Variants in FTCD observed in about 807,000 individuals in gnomAD.
FTCD encodes the protein formimidoyltransferase cyclodeaminase, also known as formimidoyltransferase-cyclodeaminase.
In FTCD, 76 loss-of-function variants were observed where a neutral mutation model predicts 62.9. That is an observed-to-expected ratio of 1.21 (90% CI 1.00 to 1.46). The LOEUF is 1.46. Among genes scored for constraint, FTCD ranks in the 40% most tolerant of loss-of-function variants. The probability of loss-of-function intolerance (pLI) is 0.00; values close to 1 mark genes in which losing one functional copy is unlikely to be tolerated. For synonymous variants in FTCD, 397 were observed against 336.9 expected (o/e 1.18, Z -1.95); for missense variants, 845 against 751.3 (o/e 1.12, Z -1.46).
intron 8 of FTCD, 25 bp from the exon 9 acceptor site, chr21:46,145,972 G>T: frequency 7.2e-7 from 1 of 1,388,444 alleles, no homozygotes; most frequent in Non-Finnish European, 9.6e-7. Flanking sequence ...CGGCTCAGCG[G>T]GTCTGGCCGG....
intron 7 of FTCD, among the ~76,000 whole-genome samples, chr21:46,148,250 C>T (rs905282889): frequency 1.3e-5 from 2 of 152,178 alleles, no homozygotes; most frequent in Admixed American, 6.5e-5. Flanking sequence ...GGGTCCACGT[C>T]GGCACCCTGA....
At chr21:46,152,792 A>G in intron 3 of FTCD, 115 bp downstream of exon 3, 1 of 877,536 alleles carries the variant, frequency 1.1e-6, no homozygotes, top group Non-Finnish European at 1.7e-6. Flanking sequence ...GCTTTTTGGA[A>G]CACTCTGCCC....
At position 46,136,978 on chromosome 21, in the gene FTCD, C is replaced by CCCGCA; in HGVS notation, c.*4_*8dup. On this transcript the variant is annotated 3_prime_UTR_variant, in exon 14 of 14. Transcript: ENST00000397746. ...GGGGCCACAGAGCCCGGAGAGGCCT[C>CCCGCA]CCGCACCGTCACTCCTGCCGGGTCT... The CCCGCA allele has an allele frequency of 6.2e-7, 1 of 1,613,132 alleles. No homozygotes were observed. The highest frequency in any genetic ancestry group is 8.5e-7 in the Non-Finnish European group (1 of 1,179,992).
At position 46,141,934 on chromosome 21, in the gene FTCD, G is replaced by A. The variant is rs539389694; in HGVS notation, c.1261-3011C>T. 1.6e-3 allele frequency among the ~76,000 whole-genome samples: 244 copies of A among 152,296 alleles called. 2 individuals carry two copies. Among genetic ancestry groups the A allele is most frequent in the African/African-American group, 5.6e-3 (231 of 41,566 alleles). ...CCTGGGCCCCCCCGGGGAGGGGGGTGCTTCCCCCAGTGGAAAACCCAAGGG... is the reference window on the plus strand; with the variant it reads ...CCTGGGCCCCCCCGGGGAGGGGGGTACTTCCCCCAGTGGAAAACCCAAGGG... On this transcript the variant is annotated intron_variant, in intron 10 of 13. Coordinates refer to ENST00000397746, the MANE Select transcript of FTCD (RefSeq NM_206965.2).
At chr21:46,147,677 G>A (rs893462240) in intron 7 of FTCD, among the ~76,000 whole-genome samples, 14 of 152,048 alleles carry the variant, frequency 9.2e-5, no homozygotes, top group African/African-American at 2.4e-4. Flanking sequence ...GGTGGCTCAC[G>A]CCTGTAATCC....
At chr21:46,151,536 T>TG in intron 5 of FTCD, 22 bp downstream of exon 5, 2 of 1,603,372 alleles carry the variant, frequency 1.2e-6, no homozygotes, top group Non-Finnish European at 1.7e-6. Context: ...TGGGGCTCCA[T>TG]GGGGTCAGTG....
At chr21:46,147,173 G>A (rs1030380557) in intron 7 of FTCD, among the ~76,000 whole-genome samples, 5 of 152,202 alleles carry the variant, frequency 3.3e-5, no homozygotes, top group Non-Finnish European at 4.4e-5. Context: ...TCAGAGTGGG[G>A]TCCGACTGGA....
chr21:46,143,486 G>C (rs536642533), intron 10 of FTCD, among the ~76,000 whole-genome samples: 1 of 152,216 alleles, frequency 6.6e-6, no homozygotes, highest in African/African-American at 2.4e-5. Context: ...ACTAGATATA[G>C]ATCATAGATA....
intron 10 of FTCD, among the ~76,000 whole-genome samples, chr21:46,144,966 G>A (rs952306562): frequency 4.0e-5 from 6 of 151,800 alleles, no homozygotes; most frequent in African/African-American, 9.7e-5. Flanking sequence ...TGAAGATGGT[G>A]TTTCTGTCTT....
chr21:46,143,016 G>C (rs2079055594), intron 10 of FTCD, among the ~76,000 whole-genome samples: 2 of 152,132 alleles, frequency 1.3e-5, no homozygotes, highest in African/African-American at 4.8e-5. Context: ...GTCCCCACCA[G>C]ACCCAGAAGC....
At chr21:46,146,623 G>C in intron 7 of FTCD, 1 of 540,522 alleles carries the variant, frequency 1.9e-6, no homozygotes, top group South Asian at 2.3e-5. Context: ...GGACCCCTCA[G>C]CAAACTGCTG....
chr21:46,145,979 C>G, intron 8 of FTCD, 32 bp from the exon 9 acceptor site: 1 of 1,361,276 alleles, frequency 7.3e-7, no homozygotes, highest in Non-Finnish European at 9.8e-7. Context: ...GCGGGTCTGG[C>G]CGGGGTTGGT....
At chr21:46,153,073 G>A (rs922170534) in intron 2 of FTCD, 38 bp from the exon 3 acceptor site, 3 of 1,530,452 alleles carry the variant, frequency 2.0e-6, no homozygotes, top group Non-Finnish European at 2.6e-6. Flanking sequence ...GAGGCCAGGT[G>A]TGGGAGCGGG....
chr21:46,138,248 G>A (rs1350904083), intron 12 of FTCD, among the ~76,000 whole-genome samples: 2 of 152,214 alleles, frequency 1.3e-5, no homozygotes, highest in Non-Finnish European at 2.9e-5. Flanking sequence ...TCTTGGGGGA[G>A]TATACACTTA....
Position 46,154,239 on chromosome 21 carries a change from T to C in FTCD, c.148A>G (p.Thr50Ala), listed in dbSNP as rs750555864. ...AGPSTNRTVY[T>A]FVGPPECVVE... is the part of the protein sequence containing the mutation. The stretch of plus-strand genomic sequence containing the variant: ...ACGCACTCCGGCGGCCCCACGAAGG[T>C]GTACACGGTGCGGTTGGTGGAAGGG... The change falls in exon 2 of 14, where the codon ACC (threonine) becomes GCC (alanine). Residue 50 changes from threonine (T) to alanine (A), a missense_variant. Transcript: ENST00000397746. The C allele has an allele frequency of 6.2e-7, 1 of 1,612,562 alleles. No individual in the cohort carries two copies. Among genetic ancestry groups the C allele is most frequent in the Non-Finnish European group, 8.5e-7 (1 of 1,179,890 alleles).
chr21:46,145,016 A>G (rs1029356072), intron 10 of FTCD, among the ~76,000 whole-genome samples: 3 of 151,984 alleles, frequency 2.0e-5, no homozygotes, highest in African/African-American at 7.2e-5. Flanking sequence ...CCTGCCTGAG[A>G]GCACTCATCA....
chr21:46,137,416 G>A (rs2078895629), intron 12 of FTCD, 82 bp from the exon 13 acceptor site: 1 of 1,061,594 alleles, frequency 9.4e-7, no homozygotes, highest in Non-Finnish European at 1.5e-6. Context: ...ACGGGCTCTG[G>A]GACAGGCCGG....
At chr21:46,141,840 A>G (rs1461879818) in intron 10 of FTCD, among the ~76,000 whole-genome samples, 1 of 152,258 alleles carries the variant, frequency 6.6e-6, no homozygotes, top group African/African-American at 2.4e-5. Flanking sequence ...TGTACGGAAC[A>G]TGCTTAACCT....
chr21:46,138,506 A>G lies in FTCD; in HGVS notation c.1443+2T>C, dbSNP rs2078920464. 2 of 1,582,818 alleles carry G rather than the reference A, an allele frequency of 1.3e-6. No homozygotes were observed. Among genetic ancestry groups the G allele is most frequent in the Non-Finnish European group, 1.7e-6 (2 of 1,171,724 alleles). On this transcript the variant is annotated splice_donor_variant, in intron 12 of 13. Transcript: ENST00000397746. LOFTEE classifies it high-confidence loss of function. ...GGCCTGGGGTCCCCCGGGCCCCCCT[A>G]CCTGGAGGTCTGACCGGCAGGCCAG...
Sources: allele counts gnomAD v4.1 joint callset (sites outside exome capture counted in the v4.1 genomes callset), GRCh38; gene constraint gnomAD v4.1.1; transcripts MANE v1.5; gene names NCBI Gene and HGNC (gene_info 2026-07-23, HGNC 2026-07-21).